The following MZT2A variants were observed in gnomAD, a reference collection of about 807,000 sequenced individuals.
MZT2A encodes mitotic spindle organizing protein 2A.
In MZT2A, 8 loss-of-function variants were observed where a neutral mutation model predicts 12.4. The observed-to-expected ratio is 0.64, with a 90% CI of 0.38 to 1.16. The LOEUF is 1.16. Ranked by LOEUF, MZT2A falls within the 50% of genes most tolerant of loss-of-function variation. MZT2A has a pLI of 0.01. For missense variants in MZT2A, 181 were observed against 223.6 expected, an observed-to-expected ratio of 0.81 and a Z score of 1.22; for synonymous variants, 88 against 107.5, an observed-to-expected ratio of 0.82 and a Z score of 1.12.
downstream of MZT2A, chr2:131,482,523 T>G: frequency 6.3e-7 from 1 of 1,583,228 alleles, no homozygotes; most frequent in Non-Finnish European, 8.6e-7. Context: ...ATAAGCTTCA[T>G]GGACTGCTTT....
rs574913714 is a variant in MZT2A, at chr2:131,492,290, G to A, written c.87C>T (p.Arg29=). The change falls in exon 1 of 3, where the codon CGC becomes CGT. Residue 29 remains arginine (R), a synonymous_variant. Transcript: ENST00000309451. ...EAARQKLALR[R]KKVLSTEEME... is the part of the protein sequence containing the mutation. ...TCTCCTCGGTGCTCAGCACCTTCTT[G>A]CGCCGCAGCGCCAGCTTCTGCCGGG... The A allele has an allele frequency of 1.9e-5, 29 of 1,556,582 alleles. 1 individual carries two copies. Among genetic ancestry groups the A allele is most frequent in the Non-Finnish European group, 2.4e-5 (28 of 1,160,476 alleles).
upstream of MZT2A, chr2:131,492,398 G>GCGCCC (rs1005723578): frequency 8.0e-7 from 1 of 1,254,590 alleles, no homozygotes; most frequent in African/African-American, 1.6e-5. Context: ...GCCGAAAGGT[G>GCGCCC]CGCCCCGCCC....
At chr2:131,478,243 A>G (rs778995974) in intron 2 of MZT2A, 3 of 1,614,086 alleles carry the variant, frequency 1.9e-6, no homozygotes, top group South Asian at 1.1e-5. Context: ...TGCCTTGAAC[A>G]TGGAATTCAG....
chr2:131,475,946 AC>A (rs200788139), intron 2 of MZT2A: 60,834 of 649,824 alleles, frequency 0.094, 6,028 homozygotes, highest in African/African-American at 0.41. Context: ...GCCTTTGATG[AC>A]CCCCGCTGCC....
intron 2 of MZT2A, among the ~76,000 whole-genome samples, chr2:131,488,699 C>G (rs1447752712): frequency 6.6e-6 from 1 of 152,084 alleles, no homozygotes; most frequent in African/African-American, 2.4e-5. Flanking sequence ...TCTCACTCAG[C>G]AGCACACGTC....
rs144783569 is a variant in MZT2A at position 131,490,511 on chromosome 2, G to T, written c.319+1365C>A. The T allele has an allele frequency of 2.5e-5, 36 of 1,434,602 alleles. 2 individuals are homozygous for T. The African/African-American group carries it at 3.9e-4, about 15-fold the overall frequency. 88.9% of individuals were successfully genotyped at this position (1,434,602 alleles called of 1,614,324 possible). A position where few individuals can be genotyped will look rare whatever the true frequency, so the allele number is the denominator to read the frequency against. On this transcript the variant is annotated intron_variant, in intron 2 of 2. Transcript: ENST00000309451. ...TGGTCCTGTCCCCGGATGCCAGCCC[G>T]ACTGTGGGGTCTAGAGACTGCCACA...
Position 131,487,124 on chromosome 2 carries a change from A to G in MZT2A, c.320-2906T>C, listed in dbSNP as rs543274434. Among the ~76,000 whole-genome samples, 643 of 152,208 alleles carry G rather than the reference A, an allele frequency of 4.2e-3. 2 individuals are homozygous for G. The highest frequency in any genetic ancestry group is 0.013 in the African/African-American group (522 of 41,522). On this transcript the variant is annotated intron_variant, in intron 2 of 2. Coordinates refer to ENST00000309451, the MANE Select transcript of MZT2A (RefSeq NM_001085365.2). The stretch of plus-strand genomic sequence containing the variant: ...AGGGCAGGGTGACTGATGCCCCTAC[A>G]CCTGGTCCCTGGAGGGCCCTCCTAA...
At chr2:131,490,205 C>T in intron 2 of MZT2A, 1 of 779,988 alleles carries the variant, frequency 1.3e-6, no homozygotes, top group Non-Finnish European at 1.6e-6. Flanking sequence ...TGTCCCAACT[C>T]AGGAGTGAGG....
intron 3 of MZT2A, among the ~76,000 whole-genome samples, chr2:131,470,831 G>A (rs1704968617): frequency 6.7e-6 from 1 of 148,488 alleles, no homozygotes; most frequent in Non-Finnish European, 1.5e-5. Flanking sequence ...GATCACTTGA[G>A]CCCAGGAGTT....
chr2:131,489,004 CACCT>C (rs1399502232), intron 2 of MZT2A, among the ~76,000 whole-genome samples: 3 of 151,632 alleles, frequency 2.0e-5, no homozygotes, highest in African/African-American at 7.3e-5. Context: ...TGTGCCCCCC[CACCT>C]GCCTCCTCCT....
chr2:131,478,970 G>GT (rs1678761132), downstream of MZT2A, among the ~76,000 whole-genome samples: 3 of 152,198 alleles, frequency 2.0e-5, no homozygotes, highest in Admixed American at 2.0e-4. Flanking sequence ...TGCCCAGGTT[G>GT]TAAGAGTTTC....
intron 2 of MZT2A, among the ~76,000 whole-genome samples, chr2:131,488,104 GACC>G (rs1438126861): frequency 4.6e-5 from 7 of 152,136 alleles, no homozygotes; most frequent in African/African-American, 1.7e-4. Flanking sequence ...GCAGTGCAAT[GACC>G]ACGCCAGCCA....
intron 2 of MZT2A, among the ~76,000 whole-genome samples, chr2:131,477,033 C>CT (rs778753012): frequency 7.2e-6 from 1 of 139,190 alleles, no homozygotes; most frequent in African/African-American, 2.7e-5. Flanking sequence ...CTTTCTTTTT[C>CT]TTTCTTTTTT....
chr2:131,477,021 T>C (rs1299467166), intron 2 of MZT2A, among the ~76,000 whole-genome samples: 3 of 141,658 alleles, frequency 2.1e-5, no homozygotes, highest in African/African-American at 6.0e-5. Flanking sequence ...ATCCTTTTTT[T>C]CCTTTCTTTT....
At chr2:131,485,288 C>CGAG (rs1342447348) in intron 2 of MZT2A, among the ~76,000 whole-genome samples, 1 of 152,210 alleles carries the variant, frequency 6.6e-6, no homozygotes, top group African/African-American at 2.4e-5. Context: ...CTACATGTTC[C>CGAG]CCCTGCAGGC....
chr2:131,493,611 C>A (rs887012719), upstream of MZT2A, among the ~76,000 whole-genome samples: 12 of 151,996 alleles, frequency 7.9e-5, no homozygotes, highest in African/African-American at 2.7e-4. Flanking sequence ...GAGGTCTTGG[C>A]ATGACAGAAT....
At chr2:131,488,096 A>G (rs971258131) in intron 2 of MZT2A, among the ~76,000 whole-genome samples, 1 of 152,116 alleles carries the variant, frequency 6.6e-6, no homozygotes, top group Non-Finnish European at 1.5e-5. Context: ...TACCACACGC[A>G]GTGCAATGAC....
chr2:131,486,615 T>A (rs1043367729), intron 2 of MZT2A: 4 of 151,650 alleles, frequency 2.6e-5, no homozygotes, highest in Non-Finnish European at 5.9e-5. Context: ...CTTTTTTTTT[T>A]TTTAAGAGTG....
At chr2:131,477,744 G>A (rs1678721702) in intron 2 of MZT2A, among the ~76,000 whole-genome samples, 1 of 151,550 alleles carries the variant, frequency 6.6e-6, no homozygotes, top group South Asian at 2.1e-4. Flanking sequence ...GAGCACCTGG[G>A]CTTGGACCAT....
Sources: gnomAD v4.1 joint callset for allele counts (sites outside exome capture counted in the v4.1 genomes callset) on GRCh38, gnomAD v4.1.1 for gene constraint, MANE v1.5 for transcripts, NCBI Gene and HGNC (gene_info 2026-07-23, HGNC 2026-07-21) for gene names.